CENPE: variants seen among roughly 807,000 people sequenced by gnomAD.
The protein encoded by CENPE is centromere protein E.
In CENPE, 145 loss-of-function variants were observed where a neutral mutation model predicts 336.1. The ratio of observed to expected loss-of-function variants is 0.43; its 90% CI spans 0.38 to 0.50. The LOEUF (loss-of-function observed/expected upper bound fraction) is 0.50. Among genes scored for constraint, CENPE ranks in the 20% least tolerant of loss-of-function variants. The pLI, the probability that CENPE is intolerant of heterozygous loss-of-function variation, is 0.00. For missense variants in CENPE, 2,719 were observed against 3,023.3 expected (o/e 0.90, Z 2.36); for synonymous variants, 1,013 against 984.8 (o/e 1.03, Z -0.54).
At chr4:103,170,285 AAACAAC>A (rs561063402) in intron 16 of CENPE, among the ~76,000 whole-genome samples, 2 of 152,032 alleles carry the variant, frequency 1.3e-5, no homozygotes, top group East Asian at 1.9e-4. Flanking sequence ...AAGTATAATT[AAACAAC>A]AACAACAACA....
intron 16 of CENPE, among the ~76,000 whole-genome samples, chr4:103,167,583 A>T (rs2125989916): frequency 6.6e-6 from 1 of 152,286 alleles, no homozygotes; most frequent in Admixed American, 6.5e-5. Context: ...ACCTGCTCAC[A>T]TCCCCCCAAA....
At position 103,116,661 on chromosome 4, in the gene CENPE, T is replaced by C. The variant is rs147381103; in HGVS notation, c.7358A>G (p.Tyr2453Cys). The change falls in exon 45 of 49, where the codon TAT becomes TGT. Residue 2453 changes from tyrosine to cysteine, a missense_variant. Coordinates refer to ENST00000265148, the MANE Select transcript of CENPE (RefSeq NM_001813.3). ...QDKVALGAKP[Y>C]KEEIEDLKMK... ...TTTGAGATCTTCAATTTCTTCTTTATATGGCTTAGCTCCTAAAGCAACTTT... is the reference window on the plus strand; with the variant it reads ...TTTGAGATCTTCAATTTCTTCTTTACATGGCTTAGCTCCTAAAGCAACTTT... 1.0e-5 allele frequency: 16 copies of C among 1,591,532 alleles called. No individual in the cohort carries two copies. The highest frequency in any genetic ancestry group is 3.4e-4 in the Middle Eastern group (2 of 5,926).
intron 29 of CENPE, 22 bp from the exon 30 acceptor site, chr4:103,146,129 T>C (rs1753035752): frequency 6.3e-7 from 1 of 1,597,384 alleles, no homozygotes; most frequent in African/African-American, 1.4e-5. Flanking sequence ...CATAAAACAG[T>C]ACAGTTGATA....
At chr4:103,179,557 T>C (rs1416437592) in intron 13 of CENPE, among the ~76,000 whole-genome samples, 1 of 152,236 alleles carries the variant, frequency 6.6e-6, no homozygotes, top group Non-Finnish European at 1.5e-5. Context: ...ATAATGCTTA[T>C]TCACATTAAC....
chr4:103,133,841 T>C lies in CENPE; in HGVS notation c.6574A>G (p.Asn2192Asp). The part of the protein sequence containing the change: ...KIKEEQHESI[N>D]KFEMDFIDEV... ...TCAATAAAATCCATTTCAAATTTAT[T>C]GATGGATTCATGTTGTTCTTCTTTT... Residue 2192 changes from asparagine (N) to aspartate (D), a missense_variant, in exon 41 of 49, where the codon AAT (asparagine) becomes GAT (aspartate). Coordinates refer to ENST00000265148, the MANE Select transcript of CENPE (RefSeq NM_001813.3). 6.2e-7 allele frequency: 1 copy of C among 1,600,906 alleles called. No homozygotes were observed.
At chr4:103,117,890 A>AGT (rs1045870629) in intron 44 of CENPE, among the ~76,000 whole-genome samples, 2 of 152,082 alleles carry the variant, frequency 1.3e-5, no homozygotes, top group Non-Finnish European at 2.9e-5. Flanking sequence ...AGCCTCCCAA[A>AGT]GTGTTGGGAT....
At chr4:103,144,902 G>T in intron 32 of CENPE, 148 bp downstream of exon 32, 1 of 679,990 alleles carries the variant, frequency 1.5e-6, no homozygotes, top group Non-Finnish European at 2.3e-6. Context: ...CTGGTACTCA[G>T]TTGAATATAA....
At chr4:103,139,384 C>T (rs1245642585) in intron 38 of CENPE, among the ~76,000 whole-genome samples, 1 of 151,788 alleles carries the variant, frequency 6.6e-6, no homozygotes, top group Non-Finnish European at 1.5e-5. Context: ...TTTATCTTCC[C>T]TTTTTTCCTT....
intron 14 of CENPE, among the ~76,000 whole-genome samples, chr4:103,176,647 C>A (rs1244854976): frequency 6.6e-6 from 1 of 152,124 alleles, no homozygotes; most frequent in Non-Finnish European, 1.5e-5. Context: ...GCAAGCTCCG[C>A]CTCCCAGGTT....
intron 48 of CENPE, among the ~76,000 whole-genome samples, chr4:103,107,311 T>C (rs1328096001): frequency 3.3e-5 from 5 of 152,228 alleles, no homozygotes; most frequent in African/African-American, 1.2e-4. Context: ...TGTGCCTACC[T>C]ATCTCCCTAA....
chr4:103,145,978 C>T lies in CENPE; in HGVS notation c.4264G>A (p.Glu1422Lys), dbSNP rs1753020136. ...KDSALLRIEI[E>K]MLGLSKRLQE... ...AGTCTTTTGGACAATCCGAGCATTTCTATTTCTATCCTTAGTAGTGCTGAA... is the reference window on the plus strand; with the variant it reads ...AGTCTTTTGGACAATCCGAGCATTTTTATTTCTATCCTTAGTAGTGCTGAA... The change falls in exon 30 of 49, where the codon GAA becomes AAA. Residue 1422 changes from glutamate to lysine, a missense_variant. Glu to Lys is a moderately conservative substitution (Grantham distance 56). This residue lies in a region of CENPE where 2,437 missense variants were observed against 2,513.3 expected (regional missense o/e 0.97). Transcript: ENST00000265148. 1 of 1,613,806 alleles carries T rather than the reference C, an allele frequency of 6.2e-7. No individual in the cohort carries two copies. Among genetic ancestry groups the T allele is most frequent in the Non-Finnish European group, 8.5e-7 (1 of 1,179,938 alleles).
intron 21 of CENPE, among the ~76,000 whole-genome samples, chr4:103,160,112 G>A (rs1324285099): frequency 1.3e-5 from 2 of 151,870 alleles, no homozygotes; most frequent in Non-Finnish European, 2.9e-5. Flanking sequence ...TTAGCATGAT[G>A]TTTGCCATAC....
At chr4:103,133,946 GA>G (rs778296861) in intron 40 of CENPE, 54 bp from the exon 41 acceptor site, 73 of 1,137,498 alleles carry the variant, frequency 6.4e-5, no homozygotes, top group Non-Finnish European at 9.2e-5. Flanking sequence ...CACATGTAGA[GA>G]AAGTTTTCAT....
At chr4:103,152,945 G>T in intron 25 of CENPE, 102 bp downstream of exon 25, 1 of 825,668 alleles carries the variant, frequency 1.2e-6, no homozygotes, top group Non-Finnish European at 1.9e-6. Flanking sequence ...ACTTCCACCA[G>T]ATACATTTAT....
At chr4:103,141,670 G>A in intron 35 of CENPE, 80 bp downstream of exon 35, 1 of 1,015,234 alleles carries the variant, frequency 9.8e-7, no homozygotes. Flanking sequence ...TTCCAGTGTG[G>A]TTGAACCATT....
chr4:103,181,360 C>A lies in CENPE; in HGVS notation c.1060G>T (p.Asp354Tyr). Residue 354 changes from aspartate (D) to tyrosine (Y), a missense_variant, in exon 12 of 49, where the codon GAT (aspartate) becomes TAT (tyrosine). Transcript: ENST00000265148. ...LLKRYRKEIMDLKKQLEEVSL... is the reference protein window; with the variant it reads ...LLKRYRKEIMYLKKQLEEVSL... ...ACCTCCTCTAATTGTTTTTTAAGAT[C>A]CATTATTTCTTTTCTATACCTTTTC... The A allele has an allele frequency of 6.5e-7, 1 of 1,540,160 alleles. No individual in the cohort carries two copies. Among genetic ancestry groups the A allele is most frequent in the Non-Finnish European group, 8.8e-7 (1 of 1,135,152 alleles).
Position 103,106,278 on chromosome 4 carries a change from G to C in CENPE, c.8050C>G (p.Pro2684Ala), listed in dbSNP as rs747847978. 2.5e-6 allele frequency: 4 copies of C among 1,602,608 alleles called. No individual in the cohort carries two copies. In the Admixed American group the frequency reaches 6.8e-5, roughly 27 times the overall value. The stretch of plus-strand genomic sequence containing the variant: ...CCTGAGGAGGCGTGCCAAGGACCTG[G>C]CTGAGAATCCACACTCTCTGCTCCT... ...NAGAESVDSQ[P>A]GPWHASSGKD... is the part of the protein sequence containing the mutation. Residue 2684 changes from proline to alanine, a missense_variant, in exon 49 of 49, where the codon CCA (proline) becomes GCA (alanine). By Grantham distance (27) the Pro-to-Ala change is conservative (BLOSUM62 -1). This residue lies in a region of CENPE where 2,437 missense variants were observed against 2,513.3 expected (regional missense o/e 0.97). Coordinates refer to ENST00000265148, the MANE Select transcript of CENPE (RefSeq NM_001813.3).
chr4:103,111,006 A>ATATCACTGTGGG lies in CENPE; in HGVS notation c.7541-7_7545dup (p.Ile2515_Ser2516insProThrValIle). 6.4e-7 allele frequency: 1 copy of ATATCACTGTGGG among 1,572,948 alleles called. No homozygotes were observed. Among genetic ancestry groups the ATATCACTGTGGG allele is most frequent in the South Asian group, 1.2e-5 (1 of 83,880 alleles). On this transcript the variant is annotated inframe_insertion, in exon 47 of 49. Coordinates refer to ENST00000265148, the MANE Select transcript of CENPE (RefSeq NM_001813.3). The stretch of plus-strand genomic sequence containing the variant: ...GAAGGCTGAGGATCAGTATGTTCTG[A>ATATCACTGTGGG]TATCACTGTGGGAGGAAAATATACA...
chr4:103,160,800 GTA>G, intron 20 of CENPE, 21 bp from the exon 21 acceptor site: 3 of 1,559,904 alleles, frequency 1.9e-6, no homozygotes, highest in Non-Finnish European at 2.6e-6. Context: ...TTGGTAAATT[GTA>G]TAAAGATCCA....
Sources: gnomAD v4.1 joint callset for allele counts (sites outside exome capture counted in the v4.1 genomes callset) on GRCh38, gnomAD v4.1.1 for gene constraint, gnomAD v4.1.1 regional missense constraint, MANE v1.5 for transcripts, NCBI Gene and HGNC (gene_info 2026-07-23, HGNC 2026-07-21) for gene names.